Variants in CNTNAP2 observed in about 807,000 individuals in gnomAD.
CNTNAP2 encodes contactin-associated protein-like 2.
A neutral mutation model predicts 155.2 loss-of-function variants in CNTNAP2; 98 were observed. The observed-to-expected ratio is 0.63, with a 90% CI of 0.54 to 0.75. CNTNAP2 has a LOEUF of 0.75. Among genes scored for constraint, CNTNAP2 ranks in the 30% least tolerant of loss-of-function variants. The probability of loss-of-function intolerance (pLI) is 0.00; values close to 1 mark genes in which losing one functional copy is unlikely to be tolerated. For synonymous variants in CNTNAP2, 651 were observed against 631.2 expected, an observed-to-expected ratio of 1.03 and a Z score of -0.47; for missense variants, 1,727 against 1,688.1, an observed-to-expected ratio of 1.02 and a Z score of -0.40.
chr7:147,990,703 G>A (rs895255930), intron 15 of CNTNAP2, among the ~76,000 whole-genome samples: 6 of 151,994 alleles, frequency 3.9e-5, no homozygotes, highest in African/African-American at 9.7e-5. Flanking sequence ...TTAAAATGGC[G>A]GTGCTTGTCC....
At chr7:147,887,611 G>A (rs954683477) in intron 13 of CNTNAP2, among the ~76,000 whole-genome samples, 2 of 152,168 alleles carry the variant, frequency 1.3e-5, no homozygotes, top group African/African-American at 2.4e-5. Context: ...AAAGCCAGAA[G>A]CTGACCTAAA....
At chr7:147,662,260 G>C (rs1468989897) in intron 13 of CNTNAP2, among the ~76,000 whole-genome samples, 1 of 152,138 alleles carries the variant, frequency 6.6e-6, no homozygotes, top group Non-Finnish European at 1.5e-5. Context: ...CCATGTTTCA[G>C]GTTCTCCATC....
chr7:146,587,872 C>T lies in CNTNAP2; in HGVS notation c.98-186399C>T, dbSNP rs192465279. Among the ~76,000 whole-genome samples the T allele has an allele frequency of 3.3e-5, 5 of 152,112 alleles. No individual in the cohort carries two copies. In the East Asian group the frequency reaches 7.7e-4, roughly 24 times the overall value. On this transcript the variant is annotated intron_variant, in intron 1 of 23. Coordinates refer to ENST00000361727, the MANE Select transcript of CNTNAP2 (RefSeq NM_014141.6). ...ATGTTTAGTAGAGATGGGGGTTTCA[C>T]CATGTTGGCCAGGCTAGTCTTGAAC...
At chr7:146,819,650 A>G (rs1243429883) in intron 2 of CNTNAP2, among the ~76,000 whole-genome samples, 1 of 152,124 alleles carries the variant, frequency 6.6e-6, no homozygotes, top group Non-Finnish European at 1.5e-5. Flanking sequence ...ACCCAAACTC[A>G]TCTTTAAAAC....
chr7:146,293,246 A>G (rs1231598939), intron 1 of CNTNAP2, among the ~76,000 whole-genome samples: 2 of 152,212 alleles, frequency 1.3e-5, no homozygotes, highest in Non-Finnish European at 2.9e-5. Context: ...CCATGAACAT[A>G]GGAATTCCCA....
intron 9 of CNTNAP2, among the ~76,000 whole-genome samples, chr7:147,344,112 A>G (rs963682294): frequency 5.9e-5 from 9 of 152,150 alleles, no homozygotes; most frequent in African/African-American, 2.2e-4. Context: ...CAGAGATGAG[A>G]CTGAGTCCCA....
intron 13 of CNTNAP2, among the ~76,000 whole-genome samples, chr7:147,897,622 A>G (rs1585016536): frequency 6.6e-6 from 1 of 152,230 alleles, no homozygotes; most frequent in Non-Finnish European, 1.5e-5. Context: ...AAGGCATTTC[A>G]TGAGGTCAAA....
intron 10 of CNTNAP2, among the ~76,000 whole-genome samples, chr7:147,407,795 C>T (rs4725719): frequency 0.44 from 67,295 of 152,046 alleles, 16,557 homozygotes; most frequent in African/African-American, 0.67. Context: ...CTATCAGCTG[C>T]GTGGTTAATG....
rs1421630651 is a variant in CNTNAP2, at chr7:148,409,371, G to T, written c.3716-20G>T. On this transcript the variant is annotated intron_variant, in intron 22 of 23. Coordinates refer to ENST00000361727, the MANE Select transcript of CNTNAP2 (RefSeq NM_014141.6). Reference sequence around the variant, plus strand: ...AATAGTATACTTGACTCTGACACTTGACTCTTTCTTTCTCTACAGCCAGTG... The same window carrying T: ...AATAGTATACTTGACTCTGACACTTTACTCTTTCTTTCTCTACAGCCAGTG... The T allele has an allele frequency of 2.6e-6, 3 of 1,147,296 alleles. No homozygotes were observed. Among genetic ancestry groups the T allele is most frequent in the South Asian group, 2.7e-5 (2 of 73,516 alleles). 71.1% of individuals were successfully genotyped at this position (1,147,296 alleles called of 1,614,324 possible).
chr7:146,189,563 T>A (rs1020772599), intron 1 of CNTNAP2, among the ~76,000 whole-genome samples: 1 of 152,172 alleles, frequency 6.6e-6, no homozygotes, highest in African/African-American at 2.4e-5. Flanking sequence ...ACAAAGTCTA[T>A]ACATATGCAC....
chr7:147,172,899 T>G (rs1436650002), intron 8 of CNTNAP2, among the ~76,000 whole-genome samples: 1 of 152,202 alleles, frequency 6.6e-6, no homozygotes, highest in Non-Finnish European at 1.5e-5. Context: ...ACCCTGCTTC[T>G]TTAAGTGTTA....
chr7:146,757,225 C>G (rs959449446), intron 1 of CNTNAP2, among the ~76,000 whole-genome samples: 1 of 152,038 alleles, frequency 6.6e-6, no homozygotes, highest in Non-Finnish European at 1.5e-5. Context: ...GAGTTGGCAG[C>G]GTGTCCTAGG....
At chr7:147,117,702 A>G (rs1801017437) in intron 5 of CNTNAP2, among the ~76,000 whole-genome samples, 1 of 152,160 alleles carries the variant, frequency 6.6e-6, no homozygotes, top group African/African-American at 2.4e-5. Context: ...TATGACTTGT[A>G]TCTCATATAT....
chr7:147,242,987 ATTTTTTTTTTTTT>A (rs766917054), intron 8 of CNTNAP2, among the ~76,000 whole-genome samples: 7 of 47,168 alleles, frequency 1.5e-4, no homozygotes, highest in East Asian at 9.5e-4. Flanking sequence ...TATGCTTTGC[ATTTTTTTTTTTTT>A]TTTTTTTTTT....
intron 1 of CNTNAP2, among the ~76,000 whole-genome samples, chr7:146,219,508 C>T (rs559803147): frequency 2.4e-4 from 37 of 152,256 alleles, no homozygotes; most frequent in African/African-American, 8.2e-4. Context: ...GTAAACTTTT[C>T]CATCTTCATA....
intron 1 of CNTNAP2, among the ~76,000 whole-genome samples, chr7:146,606,345 G>T (rs1228813840): frequency 2.6e-5 from 4 of 152,184 alleles, no homozygotes; most frequent in Admixed American, 6.5e-5. Context: ...ACATTTTCAT[G>T]TAGATTATTT....
chr7:147,863,022 C>T (rs973786591), intron 13 of CNTNAP2, among the ~76,000 whole-genome samples: 2 of 152,106 alleles, frequency 1.3e-5, no homozygotes, highest in African/African-American at 4.8e-5. Flanking sequence ...TGTTGGTTTG[C>T]TCCACCCATC....
chr7:146,979,081 C>A (rs892388968), intron 3 of CNTNAP2, among the ~76,000 whole-genome samples: 1 of 152,054 alleles, frequency 6.6e-6, no homozygotes, highest in Admixed American at 6.6e-5. Flanking sequence ...CAAAGTGAGT[C>A]CAAACACCTG....
At chr7:147,398,589 C>CTTTTTTTT (rs58507416) in intron 10 of CNTNAP2, among the ~76,000 whole-genome samples, 17 of 87,712 alleles carry the variant, frequency 1.9e-4, no homozygotes, top group Non-Finnish European at 3.0e-4. Flanking sequence ...ACGATTTGAA[C>CTTTTTTTT]TTTTTTTTTT....
Sources: allele counts gnomAD v4.1 joint callset (sites outside exome capture counted in the v4.1 genomes callset), GRCh38; gene constraint gnomAD v4.1.1; transcripts MANE v1.5; gene names NCBI Gene and HGNC (gene_info 2026-07-23, HGNC 2026-07-21).